The following ACAD10 variants were observed in gnomAD, a reference collection of about 807,000 sequenced individuals.
The protein encoded by ACAD10 is ACAD-10.
Under a neutral mutation model 116.8 loss-of-function variants are expected in ACAD10, and 112 were observed. The observed-to-expected ratio is 0.96, with a 90% CI of 0.82 to 1.12. The LOEUF (loss-of-function observed/expected upper bound fraction) is 1.12, where lower values mean the gene tolerates loss of function less well. Ranked by LOEUF, ACAD10 falls within the 50% of genes most tolerant of loss-of-function variation. ACAD10 has a pLI of 0.00. For missense variants in ACAD10, 1,259 were observed against 1,350.2 expected, an observed-to-expected ratio of 0.93 and a Z score of 1.06; for synonymous variants, 486 against 510.6, an observed-to-expected ratio of 0.95 and a Z score of 0.65.
rs560344796 is a variant in ACAD10, at chr12:111,718,036, C to CTTTTT, written c.992+2101_992+2105dup. Among the ~76,000 whole-genome samples the CTTTTT allele has an allele frequency of 2.2e-3, 138 of 63,674 alleles. 28 individuals carry two copies. The highest frequency in any genetic ancestry group is 0.01 in the African/African-American group (124 of 12,200). The allele number at this position is 63,674 out of a possible 152,430, so 41.8% of individuals were successfully genotyped here. Reference sequence around the variant, plus strand: ...TATACGTAGGATCTATAGTGATATCCTTTTTTTTTTTTTTTTTTTTTTTTT... The same window carrying CTTTTT: ...TATACGTAGGATCTATAGTGATATCCTTTTTTTTTTTTTTTTTTTTTTTTTTTTTT... On this transcript the variant is annotated intron_variant, in intron 7 of 20. Coordinates refer to ENST00000313698, the MANE Select transcript of ACAD10 (RefSeq NM_025247.6).
intron 17 of ACAD10, chr12:111,748,683 C>T (rs1267986075): frequency 1.1e-5 from 7 of 656,348 alleles, no homozygotes; most frequent in Non-Finnish European, 1.8e-5. Context: ...GGATTTTTTT[C>T]CCTCTTCTAA....
chr12:111,746,284 G>A lies in ACAD10; in HGVS notation c.2256G>A (p.Glu752=). The change falls in exon 14 of 21, where the codon GAG becomes GAA. Residue 752 remains glutamate (E), a splice_region_variant and synonymous_variant. Coordinates refer to ENST00000313698, the MANE Select transcript of ACAD10 (RefSeq NM_025247.6). ...ELMGTSLYAP[E]VCNCSAPDTG... ...TGGGCACGTCCCTGTATGCCCCCGA[G>A]GTACCTTCTTTAAAGTTTTCCTCAG... 6.2e-7 allele frequency: 1 copy of A among 1,609,630 alleles called. No homozygotes were observed. The highest frequency in any genetic ancestry group is 1.1e-5 in the South Asian group (1 of 90,208).
intron 18 of ACAD10, 112 bp from the exon 19 acceptor site, chr12:111,753,660 C>CCCCTG (rs1890130834): frequency 7.0e-7 from 1 of 1,426,724 alleles, no homozygotes; most frequent in Non-Finnish European, 9.8e-7. Flanking sequence ...TCACTCTCCT[C>CCCCTG]CCCTGCCCTG....
chr12:111,714,175 G>T (rs1888774256), intron 6 of ACAD10, among the ~76,000 whole-genome samples: 1 of 151,598 alleles, frequency 6.6e-6, no homozygotes, highest in Non-Finnish European at 1.5e-5. Flanking sequence ...AACCTGGAAG[G>T]TGGAGGTTGC....
intron 1 of ACAD10, among the ~76,000 whole-genome samples, chr12:111,689,072 T>A (rs1887964775): frequency 6.6e-6 from 1 of 151,696 alleles, no homozygotes. Flanking sequence ...GCACCTGTAA[T>A]CCCAGCTACT....
intron 6 of ACAD10, 184 bp from the exon 7 acceptor site, chr12:111,715,637 T>G: frequency 3.0e-6 from 2 of 656,562 alleles, no homozygotes; most frequent in Non-Finnish European, 5.1e-6. Flanking sequence ...TGGACCTGAG[T>G]TGGCGGAGTG....
chr12:111,698,522 A>G (rs1888255434), intron 2 of ACAD10, among the ~76,000 whole-genome samples: 2 of 150,586 alleles, frequency 1.3e-5, no homozygotes, highest in African/African-American at 4.9e-5. Flanking sequence ...TTGTTGCCCA[A>G]GCTGGAATGT....
intron 4 of ACAD10, among the ~76,000 whole-genome samples, chr12:111,706,296 C>T (rs1186582941): frequency 6.6e-6 from 1 of 152,110 alleles, no homozygotes; most frequent in Non-Finnish European, 1.5e-5. Context: ...AGTTCCTAGA[C>T]CAGTGCTGTC....
intron 2 of ACAD10, chr12:111,693,182 G>A (rs1888105065): frequency 2.5e-6 from 1 of 395,940 alleles, no homozygotes; most frequent in Admixed American, 4.1e-5. Context: ...TTAGCACAGT[G>A]ATTGCTCAGT....
chr12:111,756,413 C>T lies in ACAD10; in HGVS notation c.3120C>T (p.Asp1040=), dbSNP rs150695142. 93 of 1,612,438 alleles carry T rather than the reference C, an allele frequency of 5.8e-5. No individual in the cohort carries two copies. Among genetic ancestry groups the T allele is most frequent in the Middle Eastern group, 1.7e-4 (1 of 6,058 alleles). Residue 1040 remains aspartate, a synonymous_variant, in exon 21 of 21, where the codon GAC becomes GAT. Coordinates refer to ENST00000313698, the MANE Select transcript of ACAD10 (RefSeq NM_025247.6). Reference sequence around the variant, plus strand: ...GGGCCCGAGCCCTGCGCTTTGCCGACGGCCCTGACGAGGTGCACCGGGCCA... The same window carrying T: ...GGGCCCGAGCCCTGCGCTTTGCCGATGGCCCTGACGAGGTGCACCGGGCCA... ...FTWARALRFA[D]GPDEVHRATV...
intron 3 of ACAD10, among the ~76,000 whole-genome samples, chr12:111,704,531 AC>A (rs1888441446): frequency 6.6e-6 from 1 of 151,804 alleles, no homozygotes; most frequent in African/African-American, 2.4e-5. Flanking sequence ...ATTGAATTGT[AC>A]TCTTTAAATA....
intron 20 of ACAD10, chr12:111,756,027 GT>G (rs2068081036): frequency 5.3e-6 from 5 of 951,276 alleles, no homozygotes; most frequent in Non-Finnish European, 6.0e-6. Flanking sequence ...ATGAACTTGG[GT>G]TTTCATAAGC....
chr12:111,712,869 C>G (rs1037929859), intron 6 of ACAD10, among the ~76,000 whole-genome samples: 1 of 152,182 alleles, frequency 6.6e-6, no homozygotes, highest in African/African-American at 2.4e-5. Flanking sequence ...AAAAGTGTAC[C>G]TATCCCACTC....
chr12:111,733,552 G>A (rs1889461525), intron 10 of ACAD10, among the ~76,000 whole-genome samples: 2 of 152,118 alleles, frequency 1.3e-5, no homozygotes, highest in African/African-American at 4.8e-5. Flanking sequence ...GCTTCACTGG[G>A]CCAAGCATTA....
intron 10 of ACAD10, among the ~76,000 whole-genome samples, chr12:111,733,195 C>T (rs1269185127): frequency 2.0e-5 from 3 of 152,124 alleles, no homozygotes; most frequent in Non-Finnish European, 4.4e-5. Context: ...AACTCCTGGG[C>T]TCAGTGATGC....
chr12:111,725,731 C>T (rs565661430), intron 8 of ACAD10, among the ~76,000 whole-genome samples: 45 of 151,906 alleles, frequency 3.0e-4, no homozygotes, highest in Admixed American at 9.8e-4. Context: ...GACGGGGTTT[C>T]GCCTTGTTGG....
At chr12:111,735,944 A>G (rs1418203081) in intron 11 of ACAD10, among the ~76,000 whole-genome samples, 6 of 151,996 alleles carry the variant, frequency 3.9e-5, no homozygotes, top group South Asian at 2.1e-4. Flanking sequence ...CAGTGGCGCA[A>G]TCTCGGCTCA....
At chr12:111,736,772 C>A in intron 11 of ACAD10, 59 bp from the exon 12 acceptor site, 1 of 1,524,304 alleles carries the variant, frequency 6.6e-7, no homozygotes, top group Non-Finnish European at 8.8e-7. Flanking sequence ...AAATATTTGC[C>A]AGCCACAGGG....
intron 1 of ACAD10, among the ~76,000 whole-genome samples, chr12:111,691,768 T>G (rs943496097): frequency 6.6e-6 from 1 of 151,606 alleles, no homozygotes; most frequent in Non-Finnish European, 1.5e-5. Flanking sequence ...GTTATTTTTG[T>G]GTTTTTGAGT....
Sources: gnomAD v4.1 joint callset for allele counts (sites outside exome capture counted in the v4.1 genomes callset) on GRCh38, gnomAD v4.1.1 for gene constraint, MANE v1.5 for transcripts, NCBI Gene and HGNC (gene_info 2026-07-23, HGNC 2026-07-21) for gene names.